Variants in CHST11 observed in about 807,000 individuals in gnomAD.
CHST11 encodes C4S-1.
A neutral mutation model predicts 30.4 loss-of-function variants in CHST11; 9 were observed. That is an observed-to-expected ratio of 0.30 (90% CI 0.18 to 0.52). CHST11 has a LOEUF of 0.52. Among genes scored for constraint, CHST11 ranks in the 20% least tolerant of loss-of-function variants. The pLI, the probability that CHST11 is intolerant of heterozygous loss-of-function variation, is 0.97. For missense variants in CHST11, 348 were observed against 460.6 expected (o/e 0.76, Z 2.24); for synonymous variants, 152 against 187.8 (o/e 0.81, Z 1.56).
chr12:104,571,883 G>C (rs577408153), intron 1 of CHST11, among the ~76,000 whole-genome samples: 1 of 152,112 alleles, frequency 6.6e-6, no homozygotes, highest in Non-Finnish European at 1.5e-5. Flanking sequence ...TTTGAGATAC[G>C]TCCCATCAAT....
At chr12:104,726,677 G>T (rs1453182935) in intron 2 of CHST11, among the ~76,000 whole-genome samples, 1 of 152,130 alleles carries the variant, frequency 6.6e-6, no homozygotes, top group African/African-American at 2.4e-5. Flanking sequence ...GTAATGGGCT[G>T]GGAAAGGGTG....
At chr12:104,644,870 C>G (rs2039411038) in intron 2 of CHST11, among the ~76,000 whole-genome samples, 1 of 152,242 alleles carries the variant, frequency 6.6e-6, no homozygotes, top group African/African-American at 2.4e-5. Context: ...TAGAGACCAG[C>G]CCTGTGCTGG....
chr12:104,749,658 C>T (rs975758871), intron 2 of CHST11, among the ~76,000 whole-genome samples: 1 of 152,214 alleles, frequency 6.6e-6, no homozygotes, highest in Non-Finnish European at 1.5e-5. Flanking sequence ...ACTCTCTTGT[C>T]TTCCTGATGT....
At chr12:104,721,322 A>G (rs1230596762) in intron 2 of CHST11, among the ~76,000 whole-genome samples, 1 of 152,094 alleles carries the variant, frequency 6.6e-6, no homozygotes, top group Non-Finnish European at 1.5e-5. Flanking sequence ...CCACACACAC[A>G]CCAGAGCTAC....
chr12:104,756,946 C>T lies in CHST11; in HGVS notation c.205-3C>T. 1 of 1,608,320 alleles carries T rather than the reference C, an allele frequency of 6.2e-7. No homozygotes were observed. Among genetic ancestry groups the T allele is most frequent in the Non-Finnish European group, 8.5e-7 (1 of 1,176,750 alleles). ...TCTTATTCGTCTTGTGTCTCCTCTG[C>T]AGCTGGAGCTCTCAAACACTGCTGT... On this transcript the variant is annotated splice_polypyrimidine_tract_variant and splice_region_variant and intron_variant, in intron 2 of 2. Transcript: ENST00000303694.
chr12:104,527,778 G>A (rs543127400), intron 1 of CHST11, among the ~76,000 whole-genome samples: 13 of 152,298 alleles, frequency 8.5e-5, no homozygotes, highest in African/African-American at 2.9e-4. Context: ...AATTTATAAA[G>A]AAAAGAGGTT....
At chr12:104,561,016 G>T (rs1348581584) in intron 1 of CHST11, among the ~76,000 whole-genome samples, 2 of 152,156 alleles carry the variant, frequency 1.3e-5, no homozygotes, top group Non-Finnish European at 2.9e-5. Flanking sequence ...TGACTTAGAG[G>T]GGCTTGGCTT....
rs543862617 is a variant in CHST11 at position 104,646,320 on chromosome 12, C to A, written c.204+44329C>A. Among the ~76,000 whole-genome samples the A allele has an allele frequency of 3.3e-5, 5 of 152,326 alleles. 1 individual carries two copies. In the South Asian group the frequency reaches 1.0e-3, roughly 32 times the overall value. On this transcript the variant is annotated intron_variant, in intron 2 of 2. Transcript: ENST00000303694. The stretch of plus-strand genomic sequence containing the variant: ...TCTCACCTCCACTTCACTTGGCCAA[C>A]ACCTACTTAGTCTTCAGACCTTGTC...
intron 1 of CHST11, among the ~76,000 whole-genome samples, chr12:104,562,368 A>G (rs73185489): frequency 0.3 from 45,537 of 151,858 alleles, 7,045 homozygotes; most frequent in Middle Eastern, 0.39. Flanking sequence ...GGTCACCTGC[A>G]GCTCTGTAAA....
intron 2 of CHST11, among the ~76,000 whole-genome samples, chr12:104,617,358 A>T (rs2039118514): frequency 6.6e-6 from 1 of 152,168 alleles, no homozygotes; most frequent in Non-Finnish European, 1.5e-5. Flanking sequence ...TAGGCTCTCC[A>T]TGCCCGCCTC....
chr12:104,602,129 C>T, intron 2 of CHST11, 138 bp downstream of exon 2: 4 of 639,322 alleles, frequency 6.3e-6, no homozygotes, highest in Non-Finnish European at 1.1e-5. Flanking sequence ...TGGTTGCTTT[C>T]TCCGTCACCC....
intron 1 of CHST11, among the ~76,000 whole-genome samples, chr12:104,564,845 G>A (rs968103336): frequency 2.0e-5 from 3 of 152,200 alleles, no homozygotes; most frequent in African/African-American, 7.2e-5. Flanking sequence ...GGTGAAGGAG[G>A]AGCAAAGGCA....
intron 1 of CHST11, among the ~76,000 whole-genome samples, chr12:104,584,843 A>G (rs1467329488): frequency 6.6e-6 from 1 of 152,164 alleles, no homozygotes; most frequent in Non-Finnish European, 1.5e-5. Flanking sequence ...TTGCGCGTCC[A>G]TCTTTTAGTT....
At chr12:104,677,216 A>G (rs963874147) in intron 2 of CHST11, among the ~76,000 whole-genome samples, 3 of 152,208 alleles carry the variant, frequency 2.0e-5, no homozygotes, top group African/African-American at 7.2e-5. Context: ...TGTTCCTGTA[A>G]TAACAAACAG....
At chr12:104,486,745 C>T (rs574584134) in intron 1 of CHST11, among the ~76,000 whole-genome samples, 11 of 152,294 alleles carry the variant, frequency 7.2e-5, no homozygotes, top group Admixed American at 3.3e-4. Flanking sequence ...GCCCCTGAGC[C>T]GACTGAAGGG....
intron 2 of CHST11, among the ~76,000 whole-genome samples, chr12:104,734,369 G>A (rs1459597841): frequency 2.0e-5 from 3 of 152,274 alleles, no homozygotes; most frequent in South Asian, 2.1e-4. Context: ...CAGCAGTTCC[G>A]GGCCCTGTGT....
In CHST11 at chr12:104,761,684, CT is replaced by C. The variant is rs1400479169; in HGVS notation, c.*3883del. 2.6e-5 allele frequency: 4 copies of C among 152,242 alleles called. No individual in the cohort carries two copies. The highest frequency in any genetic ancestry group is 9.6e-5 in the African/African-American group (4 of 41,460). 9.4% of individuals were successfully genotyped at this position (152,242 alleles called of 1,614,324 possible). On this transcript the variant is annotated 3_prime_UTR_variant, in exon 3 of 3. Coordinates refer to ENST00000303694, the MANE Select transcript of CHST11 (RefSeq NM_018413.6). ...AAGGCCTTCTAGAATCCGCTTAACC[CT>C]TGGCTGATAACAGGCAAATTTCAGT...
intron 1 of CHST11, among the ~76,000 whole-genome samples, chr12:104,494,227 T>A (rs2037777481): frequency 6.6e-6 from 1 of 152,174 alleles, no homozygotes; most frequent in Admixed American, 6.5e-5. Flanking sequence ...AGATCCCCTC[T>A]GAAGAGATGC....
intron 2 of CHST11, among the ~76,000 whole-genome samples, chr12:104,684,632 C>T (rs2039829771): frequency 6.6e-6 from 1 of 152,254 alleles, no homozygotes; most frequent in African/African-American, 2.4e-5. Flanking sequence ...ACTGCAACCT[C>T]TGCCTCCCAG....
Sources: allele counts gnomAD v4.1 joint callset (sites outside exome capture counted in the v4.1 genomes callset), GRCh38; gene constraint gnomAD v4.1.1; transcripts MANE v1.5; gene names NCBI Gene and HGNC (gene_info 2026-07-23, HGNC 2026-07-21).